UNC13B: variants seen among roughly 807,000 people sequenced by gnomAD.
UNC13B encodes protein unc-13 homolog B.
In UNC13B, 144 loss-of-function variants were observed where a neutral mutation model predicts 211.0. That is an observed-to-expected ratio of 0.68 (90% confidence interval 0.60 to 0.78). UNC13B has a LOEUF of 0.78. Among genes scored for constraint, UNC13B ranks in the 30% least tolerant of loss-of-function variants. UNC13B has a pLI of 0.00. For synonymous variants in UNC13B, 709 were observed against 725.8 expected (o/e 0.98, Z 0.37); for missense variants, 1,777 against 2,002.0 (o/e 0.89, Z 2.14).
chr9:35,284,905 A>T (rs1018548793), intron 7 of UNC13B, among the ~76,000 whole-genome samples: 1 of 152,178 alleles, frequency 6.6e-6, no homozygotes, highest in Non-Finnish European at 1.5e-5. Context: ...CCAGTACTGG[A>T]CTACTAATGG....
intron 11 of UNC13B, among the ~76,000 whole-genome samples, chr9:35,360,005 G>A (rs1833300149): frequency 6.6e-6 from 1 of 152,154 alleles, no homozygotes; most frequent in South Asian, 2.1e-4. Flanking sequence ...GTACTTTATT[G>A]CAAATTTGCT....
intron 29 of UNC13B, 114 bp from the exon 30 acceptor site, chr9:35,397,521 C>A: frequency 7.5e-7 from 1 of 1,328,742 alleles, no homozygotes; most frequent in Non-Finnish European, 1.0e-6. Context: ...TGTGGGATTC[C>A]CCCTTTACCT....
rs76220765 is a variant in UNC13B, at chr9:35,400,391, A to G, written c.12432A>G (p.Thr4144=). 1.2e-6 allele frequency: 2 copies of G among 1,613,968 alleles called. No individual in the cohort carries two copies. The highest frequency in any genetic ancestry group is 1.7e-6 in the Non-Finnish European group (2 of 1,179,998). The change falls in exon 37 of 40, where the codon ACA becomes ACG. Residue 4144 remains threonine (T), a synonymous_variant. Transcript: ENST00000635942. ...QSLRYALSLY[T]QTTDTLIKTF... is the part of the protein sequence containing the mutation. Reference sequence around the variant, plus strand: ...TACGCTATGCCCTGTCTCTGTACACACAGACTACTGACACTCTCATCAAGA... The same window carrying G: ...TACGCTATGCCCTGTCTCTGTACACGCAGACTACTGACACTCTCATCAAGA...
At chr9:35,182,373 C>T (rs1229774013) in intron 1 of UNC13B, among the ~76,000 whole-genome samples, 1 of 151,514 alleles carries the variant, frequency 6.6e-6, no homozygotes, top group Non-Finnish European at 1.5e-5. Flanking sequence ...CTTCTGTGAC[C>T]CCCCCTTTTT....
intron 9 of UNC13B, among the ~76,000 whole-genome samples, chr9:35,310,137 A>G (rs1830112929): frequency 6.6e-6 from 1 of 152,266 alleles, no homozygotes; most frequent in African/African-American, 2.4e-5. Flanking sequence ...AAGACTGAAT[A>G]AAGAATTTTA....
At chr9:35,291,634 T>C (rs10738941) in intron 7 of UNC13B, among the ~76,000 whole-genome samples, 140,388 of 152,236 alleles carry the variant, frequency 0.92, 65,821 homozygotes, top group Non-Finnish European at 1. Flanking sequence ...AGGCTGAGGA[T>C]ATGGCTTGGC....
chr9:35,258,103 T>C (rs1827040574), intron 6 of UNC13B, among the ~76,000 whole-genome samples: 1 of 152,232 alleles, frequency 6.6e-6, no homozygotes, highest in Non-Finnish European at 1.5e-5. Context: ...GTTGAGTTAA[T>C]AAGTAACTCA....
chr9:35,329,050 C>T (rs1029264523), intron 11 of UNC13B, among the ~76,000 whole-genome samples: 4 of 151,874 alleles, frequency 2.6e-5, no homozygotes, highest in South Asian at 2.1e-4. Context: ...GGATTACATG[C>T]GTGAGCCACC....
chr9:35,224,022 T>C (rs963129636), intron 1 of UNC13B, among the ~76,000 whole-genome samples: 3 of 152,236 alleles, frequency 2.0e-5, no homozygotes, highest in African/African-American at 7.2e-5. Flanking sequence ...TCAGTTTTTA[T>C]ACCAGTAGTA....
At chr9:35,246,197 TG>T in intron 6 of UNC13B, among the ~76,000 whole-genome samples, 1 of 152,172 alleles carries the variant, frequency 6.6e-6, no homozygotes, top group South Asian at 2.1e-4. Context: ...TTGATGGGGT[TG>T]TTTTTTTTTT....
chr9:35,176,617 G>A (rs1398317704), intron 1 of UNC13B, among the ~76,000 whole-genome samples: 1 of 152,086 alleles, frequency 6.6e-6, no homozygotes, highest in Admixed American at 6.6e-5. Flanking sequence ...GGGGAGGAAT[G>A]GTGAGGAAAA....
chr9:35,378,244 T>G, intron 16 of UNC13B, 51 bp from the exon 17 acceptor site: 1 of 1,611,076 alleles, frequency 6.2e-7, no homozygotes, highest in Non-Finnish European at 8.5e-7. Context: ...AGTAGTGTTG[T>G]GGGGGGCTTC....
chr9:35,172,985 G>A (rs983385755), intron 1 of UNC13B, among the ~76,000 whole-genome samples: 2 of 152,170 alleles, frequency 1.3e-5, no homozygotes. Flanking sequence ...CTTTAGAGCT[G>A]TAGAAGACAG....
chr9:35,255,863 C>A (rs953408867), intron 6 of UNC13B, among the ~76,000 whole-genome samples: 14 of 152,110 alleles, frequency 9.2e-5, no homozygotes, highest in African/African-American at 2.9e-4. Context: ...GCAGACTGGT[C>A]CCCGGGCAAG....
intron 26 of UNC13B, among the ~76,000 whole-genome samples, chr9:35,392,511 G>A (rs1409315869): frequency 6.6e-6 from 1 of 151,964 alleles, no homozygotes; most frequent in East Asian, 1.9e-4. Context: ...GAGTTTTGGG[G>A]GCCTGGATGA....
Position 35,396,622 on chromosome 9 carries a change from C to T in UNC13B, c.11435+20C>T. 1.3e-5 allele frequency: 21 copies of T among 1,613,426 alleles called. No individual in the cohort carries two copies. The highest frequency in any genetic ancestry group is 1.8e-5 in the Non-Finnish European group (21 of 1,179,868). ...CCCAGCGTGAGTCATCATGTGGGCA[C>T]TACAGAGGGAAGGGAGCCCTCTGGG... On this transcript the variant is annotated intron_variant, in intron 27 of 39. Transcript: ENST00000635942.
At chr9:35,245,001 T>C (rs1826005547) in intron 6 of UNC13B, among the ~76,000 whole-genome samples, 1 of 152,198 alleles carries the variant, frequency 6.6e-6, no homozygotes, top group Admixed American at 6.5e-5. Context: ...TTCTTCATTG[T>C]TGAAAGCTCC....
intron 1 of UNC13B, among the ~76,000 whole-genome samples, chr9:35,166,603 G>T (rs1307480791): frequency 6.6e-6 from 1 of 151,732 alleles, no homozygotes. Context: ...TCAGCATCAC[G>T]AGTAGCTGGG....
chr9:35,361,222 AG>A (rs997727579), intron 11 of UNC13B: 3 of 152,168 alleles, frequency 2.0e-5, no homozygotes, highest in African/African-American at 7.2e-5. Flanking sequence ...GATCATTCTT[AG>A]GGGGTCAGGG....
Sources: allele counts gnomAD v4.1 joint callset (sites outside exome capture counted in the v4.1 genomes callset), GRCh38; gene constraint gnomAD v4.1.1; transcripts MANE v1.5; gene names NCBI Gene and HGNC (gene_info 2026-07-23, HGNC 2026-07-21).